Variants in ERC1 observed in about 807,000 individuals in gnomAD.
The protein encoded by ERC1 is RAB6 interacting protein 2.
ERC1 carries 56 observed loss-of-function variants against 132.0 expected under a neutral mutation model. That is an observed-to-expected ratio of 0.42 (90% CI 0.34 to 0.53). The LOEUF is 0.53. Among genes scored for constraint, ERC1 ranks in the 20% least tolerant of loss-of-function variants. The pLI is 0.03. For synonymous variants in ERC1, 478 were observed against 476.1 expected (o/e 1.00, Z -0.05); for missense variants, 1,202 against 1,349.9 (o/e 0.89, Z 1.72).
chr12:1,316,138 C>G (rs796773485), intron 15 of ERC1, among the ~76,000 whole-genome samples: 2 of 152,186 alleles, frequency 1.3e-5, no homozygotes, highest in African/African-American at 4.8e-5. Context: ...CCACCCGCCT[C>G]GGCCTCCCAA....
intron 15 of ERC1, among the ~76,000 whole-genome samples, chr12:1,303,362 C>T (rs149722454): frequency 9.2e-5 from 14 of 152,282 alleles, no homozygotes; most frequent in East Asian, 3.9e-4. Flanking sequence ...ACCGGCCGGG[C>T]GCCGTGGCTC....
intron 2 of ERC1, among the ~76,000 whole-genome samples, chr12:1,047,119 A>G (rs1405106683): frequency 6.6e-6 from 1 of 152,106 alleles, no homozygotes; most frequent in Non-Finnish European, 1.5e-5. Flanking sequence ...TTGATGTCCT[A>G]CTTATTGAAC....
intron 15 of ERC1, among the ~76,000 whole-genome samples, chr12:1,358,052 G>T (rs2085710582): frequency 6.6e-6 from 1 of 151,986 alleles, no homozygotes; most frequent in South Asian, 2.1e-4. Flanking sequence ...TAGGAGATTT[G>T]CCCAAGAATA....
At chr12:1,126,013 T>C (rs1245607631) in intron 7 of ERC1, among the ~76,000 whole-genome samples, 2 of 152,158 alleles carry the variant, frequency 1.3e-5, no homozygotes, top group East Asian at 1.9e-4. Flanking sequence ...TTAATGGGTA[T>C]AGAATTTTAG....
At chr12:1,197,617 C>T (rs1227169806) in intron 12 of ERC1, among the ~76,000 whole-genome samples, 2 of 152,180 alleles carry the variant, frequency 1.3e-5, no homozygotes, top group Non-Finnish European at 2.9e-5. Context: ...TTTAATGCTT[C>T]TCTCAGTCTG....
intron 17 of ERC1, among the ~76,000 whole-genome samples, chr12:1,440,371 A>ATT (rs374749122): frequency 6.8e-6 from 1 of 148,096 alleles, no homozygotes; most frequent in Non-Finnish European, 1.5e-5. Context: ...CGCCCGGCTA[A>ATT]TTTTTTTTGT....
At chr12:1,480,780 C>T (rs1229654710) in intron 18 of ERC1, 8 of 701,074 alleles carry the variant, frequency 1.1e-5, no homozygotes, top group Admixed American at 8.0e-5. Flanking sequence ...AAGAATATCT[C>T]GAGTAATACC....
chr12:1,073,568 G>A (rs1007754888), intron 2 of ERC1, among the ~76,000 whole-genome samples: 1 of 151,762 alleles, frequency 6.6e-6, no homozygotes, highest in African/African-American at 2.4e-5. Flanking sequence ...AGAATGGCTT[G>A]AACTCTGAAG....
At chr12:1,131,687 G>C (rs905120738) in intron 7 of ERC1, among the ~76,000 whole-genome samples, 1 of 152,052 alleles carries the variant, frequency 6.6e-6, no homozygotes, top group Non-Finnish European at 1.5e-5. Context: ...GGATGGTCTC[G>C]ATCTCCTGAC....
upstream of ERC1, chr12:990,503 C>T (rs1592513004): frequency 6.6e-6 from 1 of 152,218 alleles, no homozygotes; most frequent in African/African-American, 2.4e-5. Flanking sequence ...TTTGGCACAG[C>T]GCAGGGTCGG....
intron 1 of ERC1, among the ~76,000 whole-genome samples, chr12:1,006,438 C>G (rs1363851682): frequency 2.0e-5 from 3 of 152,076 alleles, no homozygotes; most frequent in Non-Finnish European, 4.4e-5. Flanking sequence ...TACTCTGTCA[C>G]CTAGGCGCAA....
Position 1,151,647 on chromosome 12 carries a change from G to A in ERC1, c.1737+9860G>A, listed in dbSNP as rs2906114. Reference sequence around the variant, plus strand: ...AGCCAGGGTTCTTTCTCAGTGCCAGGCACTTTTCTATGTGAATTATATCAA... The same window carrying A: ...AGCCAGGGTTCTTTCTCAGTGCCAGACACTTTTCTATGTGAATTATATCAA... On this transcript the variant is annotated intron_variant, in intron 8 of 18. Coordinates refer to ENST00000360905, the MANE Select transcript of ERC1 (RefSeq NM_178040.4). Among the ~76,000 whole-genome samples the A allele has an allele frequency of 3.8e-3, 571 of 152,250 alleles. 4 individuals are homozygous for A. Among genetic ancestry groups the A allele is most frequent in the African/African-American group, 0.013 (542 of 41,554 alleles).
intron 6 of ERC1, 122 bp from the exon 7 acceptor site, chr12:1,115,744 A>G: frequency 1.2e-6 from 1 of 805,972 alleles, no homozygotes; most frequent in East Asian, 2.8e-5. Flanking sequence ...GATGAATATG[A>G]CCTATCACAC....
intron 15 of ERC1, among the ~76,000 whole-genome samples, chr12:1,353,938 ACTTT>A (rs1208177325): frequency 2.0e-5 from 3 of 151,816 alleles, no homozygotes; most frequent in African/African-American, 7.3e-5. Context: ...ATTTCTGGAA[ACTTT>A]CTTTATCTTT....
At chr12:1,209,936 G>A (rs75114612) in intron 12 of ERC1, among the ~76,000 whole-genome samples, 3,605 of 152,226 alleles carry the variant, frequency 0.024, 130 homozygotes, top group African/African-American at 0.082. Flanking sequence ...CAAGGTGACC[G>A]TTTTGCCTTT....
chr12:1,038,940 G>A (rs567857247), intron 2 of ERC1, among the ~76,000 whole-genome samples: 4 of 152,162 alleles, frequency 2.6e-5, no homozygotes, highest in South Asian at 4.2e-4. Context: ...ACGATGGCTC[G>A]TGCCTGTAGT....
At chr12:1,282,112 A>T (rs1054281332) in intron 14 of ERC1, among the ~76,000 whole-genome samples, 1 of 152,074 alleles carries the variant, frequency 6.6e-6, no homozygotes, top group Non-Finnish European at 1.5e-5. Context: ...ACTCTCTTTT[A>T]AAAAGAGTGG....
At chr12:1,002,943 G>C (rs927154905) in intron 1 of ERC1, among the ~76,000 whole-genome samples, 1 of 149,966 alleles carries the variant, frequency 6.7e-6, no homozygotes, top group African/African-American at 2.5e-5. Context: ...TTACTCTGTG[G>C]CTTGCCATTT....
intron 16 of ERC1, among the ~76,000 whole-genome samples, chr12:1,400,916 ATTTTTTTTTTTTTTTTTTT>A (rs869202443): frequency 4.0e-4 from 6 of 15,056 alleles, no homozygotes; most frequent in East Asian, 6.8e-3. Flanking sequence ...CTATTTTTGT[ATTTTTTTTTTTTTTTTTTT>A]TTTTTTTTTT....
Sources: allele counts gnomAD v4.1 joint callset (sites outside exome capture counted in the v4.1 genomes callset), GRCh38; gene constraint gnomAD v4.1.1; transcripts MANE v1.5; gene names NCBI Gene and HGNC (gene_info 2026-07-23, HGNC 2026-07-21).